SEM1: variants seen among roughly 807,000 people sequenced by gnomAD.
SEM1 encodes SEM1 26S proteasome subunit, also known as 26S proteasome complex subunit SEM1.
Under a neutral mutation model 12.7 loss-of-function variants are expected in SEM1, and 3 were observed. The ratio of observed to expected loss-of-function variants is 0.24; its 90% CI spans 0.11 to 0.61. The LOEUF (loss-of-function observed/expected upper bound fraction) is 0.61. Ranked by LOEUF, SEM1 falls within the 20% of genes least tolerant of loss-of-function variation. The probability of loss-of-function intolerance (pLI) is 0.88; values close to 1 mark genes in which losing one functional copy is unlikely to be tolerated. For synonymous variants in SEM1, 30 were observed against 27.8 expected, an observed-to-expected ratio of 1.08 and a Z score of -0.25; for missense variants, 59 against 81.3, an observed-to-expected ratio of 0.73 and a Z score of 1.06.
downstream of SEM1, among the ~76,000 whole-genome samples, chr7:96,620,135 A>G (rs1807846073): frequency 6.6e-6 from 1 of 152,052 alleles, no homozygotes; most frequent in Admixed American, 6.5e-5. Flanking sequence ...GCCTGAGGGC[A>G]GGACACAACC....
intron 2 of SEM1, among the ~76,000 whole-genome samples, chr7:96,678,168 A>G (rs921441067): frequency 4.7e-4 from 71 of 152,168 alleles, no homozygotes; most frequent in African/African-American, 1.6e-3. Flanking sequence ...AACCTCTAAA[A>G]GAGAAATCTC....
At chr7:96,614,404 A>G (rs10272431) in intron 2 of SEM1, among the ~76,000 whole-genome samples, 3,790 of 152,290 alleles carry the variant, frequency 0.025, 134 homozygotes, top group African/African-American at 0.087. Flanking sequence ...AAAGTTCCTC[A>G]GCCCAGAAGT....
At chr7:96,549,147 G>C (rs1805189410) in intron 2 of SEM1, among the ~76,000 whole-genome samples, 1 of 152,156 alleles carries the variant, frequency 6.6e-6, no homozygotes, top group Non-Finnish European at 1.5e-5. Flanking sequence ...TCCCACATAT[G>C]CTGTTGGAAA....
intron 2 of SEM1, among the ~76,000 whole-genome samples, chr7:96,545,612 T>A (rs1805082090): frequency 1.3e-5 from 2 of 152,112 alleles, no homozygotes; most frequent in South Asian, 4.1e-4. Context: ...CGTTTATTCC[T>A]TAGTGTTTTA....
downstream of SEM1, among the ~76,000 whole-genome samples, chr7:96,685,554 T>C (rs1789738061): frequency 6.6e-6 from 1 of 152,046 alleles, no homozygotes; most frequent in South Asian, 2.1e-4. Flanking sequence ...ATTGAAGACG[T>C]TTTTTGTTTC....
At chr7:96,647,989 G>T (rs1808854419) in intron 2 of SEM1, among the ~76,000 whole-genome samples, 2 of 152,172 alleles carry the variant, frequency 1.3e-5, no homozygotes, top group Admixed American at 1.3e-4. Context: ...CTTTGGCTAG[G>T]AGTACAAAAT....
chr7:96,667,522 T>C (rs950730596), intron 2 of SEM1, among the ~76,000 whole-genome samples: 1 of 152,174 alleles, frequency 6.6e-6, no homozygotes, highest in African/African-American at 2.4e-5. Context: ...ATTGTCAACT[T>C]TTTCCTTCAA....
chr7:96,581,128 G>A (rs1233787825), intron 2 of SEM1, among the ~76,000 whole-genome samples: 87 of 152,118 alleles, frequency 5.7e-4, no homozygotes, highest in Non-Finnish European at 6.9e-4. Context: ...TCTTTAATCC[G>A]TCTTGAATTG....
intron 2 of SEM1, among the ~76,000 whole-genome samples, chr7:96,563,511 C>T (rs1805755679): frequency 6.6e-6 from 1 of 152,142 alleles, no homozygotes; most frequent in Non-Finnish European, 1.5e-5. Context: ...CCAAATTCAA[C>T]TATACAGAAG....
At chr7:96,689,803 G>A (rs151020480) in intron 2 of SEM1, among the ~76,000 whole-genome samples, 16 of 152,238 alleles carry the variant, frequency 1.1e-4, no homozygotes, top group African/African-American at 3.6e-4. Context: ...TCTGCTATGG[G>A]GTGGTGGTAT....
chr7:96,603,883 TA>T (rs1230405057), intron 2 of SEM1, among the ~76,000 whole-genome samples: 3 of 27,122 alleles, frequency 1.1e-4, no homozygotes, highest in East Asian at 3.2e-3. Context: ...AGTTACAGGA[TA>T]GTTTTTTTTT....
chr7:96,541,441 TTG>T lies in SEM1; in HGVS notation c.171-34745_171-34744del, dbSNP rs1554412359. ...CCCACTTTTTAATGGGTTTTTTTTT[TTG>T]TTTTTTTTTTTTTTTTGCTGAATTG... On this transcript the variant is annotated intron_variant and NMD_transcript_variant, in intron 2 of 3. Transcript: ENST00000466986. 6.5e-3 allele frequency among the ~76,000 whole-genome samples: 866 copies of T among 132,930 alleles called. 5 individuals carry two copies. Among genetic ancestry groups the T allele is most frequent in the African/African-American group, 0.02 (641 of 31,624 alleles). 87.2% of individuals were successfully genotyped at this position (132,930 alleles called of 152,430 possible).
intron 2 of SEM1, among the ~76,000 whole-genome samples, chr7:96,557,285 A>G (rs925794766): frequency 6.8e-6 from 1 of 146,480 alleles, no homozygotes; most frequent in Non-Finnish European, 1.5e-5. Context: ...TAGAGTTTCC[A>G]GTTTTTCTGC....
In SEM1 at chr7:96,608,436, A is replaced by G. The variant is rs59616151; in HGVS notation, c.170+86362T>C. ...AAAAGTCATTTTATTGAGATAATTT[A>G]TATACCATAATTCACCTGTTTAAAG... On this transcript the variant is annotated intron_variant and NMD_transcript_variant, in intron 2 of 3. Coordinates refer to the SEM1 transcript ENST00000466986. Among the ~76,000 whole-genome samples the G allele has an allele frequency of 3.0e-3, 460 of 152,230 alleles. 4 individuals are homozygous for G. The highest frequency in any genetic ancestry group is 0.01 in the African/African-American group (429 of 41,542).
intron 2 of SEM1, among the ~76,000 whole-genome samples, chr7:96,556,403 T>C (rs1323459244): frequency 6.6e-6 from 1 of 152,188 alleles, no homozygotes; most frequent in African/African-American, 2.4e-5. Context: ...CAAAATTTCT[T>C]AGCATTTGCT....
chr7:96,556,231 T>C (rs1313703475), intron 2 of SEM1, among the ~76,000 whole-genome samples: 5 of 151,706 alleles, frequency 3.3e-5, no homozygotes, highest in Non-Finnish European at 4.4e-5. Context: ...GATCCAGTCA[T>C]TATGATGTTA....
intron 3 of SEM1, among the ~76,000 whole-genome samples, chr7:96,501,692 C>A (rs1803558118): frequency 6.6e-6 from 1 of 152,194 alleles, no homozygotes; most frequent in African/African-American, 2.4e-5. Flanking sequence ...ATTATGTGTG[C>A]AAAACATACT....
downstream of SEM1, chr7:96,688,019 A>G (rs1789813673): frequency 6.6e-6 from 1 of 152,196 alleles, no homozygotes. Context: ...GCATTGTTAC[A>G]TAAATTTTAC....
At chr7:96,524,938 T>C (rs1804403085) in intron 2 of SEM1, among the ~76,000 whole-genome samples, 1 of 152,152 alleles carries the variant, frequency 6.6e-6, no homozygotes, top group African/African-American at 2.4e-5. Context: ...CCATTTCAAT[T>C]AATTAAACTT....
Sources: gnomAD v4.1 joint callset for allele counts (sites outside exome capture counted in the v4.1 genomes callset) on GRCh38, gnomAD v4.1.1 for gene constraint, MANE v1.5 for transcripts, NCBI Gene and HGNC (gene_info 2026-07-23, HGNC 2026-07-21) for gene names.